RBFOX1: variants seen among roughly 807,000 people sequenced by gnomAD.
RBFOX1 encodes RNA binding fox-1 homolog 1, also known as RNA binding protein fox-1 homolog 1.
RBFOX1 carries 8 observed loss-of-function variants against 57.7 expected under a neutral mutation model. That is an observed-to-expected ratio of 0.14 (90% CI 0.08 to 0.25). The LOEUF (loss-of-function observed/expected upper bound fraction) is 0.25. RBFOX1 is among the 10% of genes least tolerant of loss of function. The pLI is 1.00. For synonymous variants in RBFOX1, 326 were observed against 222.4 expected (o/e 1.47, Z -4.15); for missense variants, 611 against 548.5 (o/e 1.11, Z -1.14).
At chr16:6,795,621 C>T (rs1567279288) in intron 3 of RBFOX1, among the ~76,000 whole-genome samples, 1 of 151,942 alleles carries the variant, frequency 6.6e-6, no homozygotes, top group Non-Finnish European at 1.5e-5. Flanking sequence ...CAAAAATTAG[C>T]CTGGCATGGT....
intron 4 of RBFOX1, among the ~76,000 whole-genome samples, chr16:7,092,866 TCA>T (rs1160563042): frequency 6.6e-6 from 1 of 152,192 alleles, no homozygotes; most frequent in Non-Finnish European, 1.5e-5. Context: ...ATCCGCCTTT[TCA>T]CAGTGATTCT....
intron 1 of RBFOX1, among the ~76,000 whole-genome samples, chr16:6,247,940 G>A (rs1204237950): frequency 6.6e-6 from 1 of 152,112 alleles, no homozygotes; most frequent in Non-Finnish European, 1.5e-5. Flanking sequence ...AATGGCTCTG[G>A]GATCATCCCA....
At chr16:6,738,288 A>T (rs2071002911) in intron 3 of RBFOX1, among the ~76,000 whole-genome samples, 1 of 150,948 alleles carries the variant, frequency 6.6e-6, no homozygotes, top group Non-Finnish European at 1.5e-5. Flanking sequence ...CTGCTTTAAG[A>T]GTTTCCATAA....
At chr16:5,465,564 T>C (rs1413366345) in intron 1 of RBFOX1, among the ~76,000 whole-genome samples, 1 of 152,152 alleles carries the variant, frequency 6.6e-6, no homozygotes, top group East Asian at 1.9e-4. Flanking sequence ...TGTTTTCAAA[T>C]TGTGACTGTA....
At chr16:5,743,247 G>A (rs1456702459) in intron 3 of RBFOX1, among the ~76,000 whole-genome samples, 3 of 152,104 alleles carry the variant, frequency 2.0e-5, no homozygotes, top group African/African-American at 7.2e-5. Flanking sequence ...ACATCCCAGG[G>A]GTAAATTTAA....
chr16:5,530,249 C>T (rs1194508928), intron 2 of RBFOX1, among the ~76,000 whole-genome samples: 5 of 152,280 alleles, frequency 3.3e-5, no homozygotes, highest in Non-Finnish European at 5.9e-5. Context: ...ATGGTGAGGA[C>T]GGCTGCAACA....
At chr16:7,616,533 G>T (rs761271117) in intron 10 of RBFOX1, among the ~76,000 whole-genome samples, 5 of 152,224 alleles carry the variant, frequency 3.3e-5, no homozygotes, top group African/African-American at 4.8e-5. Context: ...CCTATATGGT[G>T]TGGTCCAAGG....
chr16:7,590,863 GAA>G (rs36061659), intron 7 of RBFOX1, among the ~76,000 whole-genome samples: 2,644 of 102,918 alleles, frequency 0.026, 48 homozygotes, highest in African/African-American at 0.077. Flanking sequence ...CTGTCTCTAA[GAA>G]AAAAAAAAAA....
intron 2 of RBFOX1, among the ~76,000 whole-genome samples, chr16:6,318,013 T>A (rs1022145733): frequency 6.6e-6 from 1 of 152,146 alleles, no homozygotes; most frequent in African/African-American, 2.4e-5. Flanking sequence ...TTGGAGGACA[T>A]GGGACTCCAG....
chr16:5,767,946 C>CA (rs5815268), intron 3 of RBFOX1, among the ~76,000 whole-genome samples: 2,898 of 151,396 alleles, frequency 0.019, 106 homozygotes, highest in African/African-American at 0.066. Context: ...TCTCTGCAGA[C>CA]AAAAAAAATG....
intron 2 of RBFOX1, among the ~76,000 whole-genome samples, chr16:6,469,190 A>G (rs2095118459): frequency 6.6e-6 from 1 of 152,200 alleles, no homozygotes; most frequent in Admixed American, 6.5e-5. Flanking sequence ...TAGAGTCAAG[A>G]AAAAAGAAAG....
rs1037305891 is a variant in RBFOX1, at chr16:5,828,964, C to A, written c.319-38339C>A. On this transcript the variant is annotated intron_variant, in intron 3 of 19. Coordinates refer to the RBFOX1 transcript ENST00000641259. ...AGACACAGCTTAGCTGGGTCCTCTG[C>A]TCCGGGTCTCCCACAGGCTGCAGTT... 2.0e-5 allele frequency among the ~76,000 whole-genome samples: 3 copies of A among 152,196 alleles called. 1 individual carries two copies. The South Asian group carries it at 6.2e-4, about 32-fold the overall frequency.
intron 3 of RBFOX1, among the ~76,000 whole-genome samples, chr16:6,998,391 A>C (rs1479295028): frequency 1.3e-5 from 2 of 152,160 alleles, no homozygotes; most frequent in Non-Finnish European, 2.9e-5. Context: ...GGTGAAAACT[A>C]ATCTGAAGGG....
At chr16:7,375,736 A>G (rs963926681) in intron 4 of RBFOX1, among the ~76,000 whole-genome samples, 8 of 152,280 alleles carry the variant, frequency 5.3e-5, no homozygotes, top group Middle Eastern at 3.4e-3. Flanking sequence ...TACAGTGACA[A>G]ATAAAATGAA....
intron 2 of RBFOX1, among the ~76,000 whole-genome samples, chr16:6,654,121 TG>T (rs398058061): frequency 6.6e-6 from 1 of 151,492 alleles, no homozygotes; most frequent in Admixed American, 6.6e-5. Context: ...GATGGATGGA[TG>T]GGTAGAGGAC....
intron 2 of RBFOX1, among the ~76,000 whole-genome samples, chr16:6,551,322 G>T (rs770235144): frequency 2.6e-5 from 4 of 152,142 alleles, no homozygotes; most frequent in African/African-American, 9.7e-5. Context: ...CTAGTCTGGG[G>T]CTGCCTCTTA....
At chr16:7,503,648 G>A (rs1174814195) in intron 4 of RBFOX1, among the ~76,000 whole-genome samples, 1 of 152,202 alleles carries the variant, frequency 6.6e-6, no homozygotes, top group South Asian at 2.1e-4. Context: ...CTGGTGAAAG[G>A]AGATGGATTA....
intron 3 of RBFOX1, among the ~76,000 whole-genome samples, chr16:6,921,870 C>G (rs1273511481): frequency 6.6e-6 from 1 of 151,920 alleles, no homozygotes; most frequent in East Asian, 1.9e-4. Flanking sequence ...CCAGGTCTAC[C>G]CATAATGAAG....
At chr16:5,659,636 T>C (rs1460569627) in intron 3 of RBFOX1, among the ~76,000 whole-genome samples, 8 of 152,094 alleles carry the variant, frequency 5.3e-5, no homozygotes, top group African/African-American at 1.9e-4. Context: ...TTTCCAGACA[T>C]TTTAAACCTG....
Sources: gnomAD v4.1 joint callset for allele counts (sites outside exome capture counted in the v4.1 genomes callset) on GRCh38, gnomAD v4.1.1 for gene constraint, MANE v1.5 for transcripts, NCBI Gene and HGNC (gene_info 2026-07-23, HGNC 2026-07-21) for gene names.